Variants in CD1A observed in about 807,000 individuals in gnomAD.
CD1A encodes the protein CD1a molecule.
In CD1A, 50 loss-of-function variants were observed where a neutral mutation model predicts 38.3. That is an observed-to-expected ratio of 1.30 (90% CI 1.04 to 1.65). CD1A has a LOEUF of 1.65. Ranked by LOEUF, CD1A falls within the 40% of genes most tolerant of loss-of-function variation. The pLI is 0.00. For synonymous variants in CD1A, 160 were observed against 150.8 expected, an observed-to-expected ratio of 1.06 and a Z score of -0.45; for missense variants, 459 against 406.1, an observed-to-expected ratio of 1.13 and a Z score of -1.12.
In CD1A at chr1:158,257,867, T is replaced by C. The variant is rs1650315567; in HGVS notation, c.*177T>C. The C allele has an allele frequency of 4.8e-6, 3 of 619,634 alleles. No homozygotes were observed. In the East Asian group the frequency reaches 8.0e-5, roughly 16 times the overall value. The allele number at this position is 619,634 out of a possible 1,614,324, so 38.4% of individuals were successfully genotyped here. A position where few individuals can be genotyped will look rare whatever the true frequency, so the allele number is the denominator to read the frequency against. On this transcript the variant is annotated 3_prime_UTR_variant, in exon 6 of 6. Coordinates refer to ENST00000289429, the MANE Select transcript of CD1A (RefSeq NM_001763.3). ...TGATTGTTTGTCAATATAAGCTCAA[T>C]TTAATTTTGCAGGATTTGTTGTTCT... is the stretch of plus-strand genomic sequence containing the variant.
Position 158,254,486 on chromosome 1 carries a change from A to C in CD1A, c.-184A>C. 1 of 1,428,584 alleles carries C rather than the reference A, an allele frequency of 7.0e-7. No homozygotes were observed. The highest frequency in any genetic ancestry group is 9.2e-7 in the Non-Finnish European group (1 of 1,091,614). 88.5% of individuals were successfully genotyped at this position (1,428,584 alleles called of 1,614,324 possible). ...GAGAGGAGAGTCAGAACCAGAGGGA[A>C]ATGAGAGACTGAGTAGGCATCTCAG... On this transcript the variant is annotated 5_prime_UTR_variant, in exon 1 of 6. Transcript: ENST00000289429.
chr1:158,256,801 G>C lies in CD1A; in HGVS notation c.620G>C (p.Trp207Ser). Residue 207 changes from tryptophan to serine, a missense_variant, in exon 4 of 6, where the codon TGG (tryptophan) becomes TCG (serine). Coordinates refer to ENST00000289429, the MANE Select transcript of CD1A (RefSeq NM_001763.3). ...TCCTTTGCAGTGAAGCCCGAGGCCT[G>C]GCTGTCCCATGGCCCCAGTCCTGGC... ...HLQRQVKPEAWLSHGPSPGPG... is the reference protein window; with the variant it reads ...HLQRQVKPEASLSHGPSPGPG... 1 of 1,614,082 alleles carries C rather than the reference G, an allele frequency of 6.2e-7. No homozygotes were observed. The highest frequency in any genetic ancestry group is 1.3e-5 in the African/African-American group (1 of 75,062).
upstream of CD1A, among the ~76,000 whole-genome samples, chr1:158,250,645 G>A (rs1294716820): frequency 6.6e-6 from 1 of 152,124 alleles, no homozygotes; most frequent in Non-Finnish European, 1.5e-5. Context: ...TCTTGTGCCT[G>A]ATCAGACCAA....
At chr1:158,257,245 G>T (rs925460391) in intron 4 of CD1A, among the ~76,000 whole-genome samples, 176 bp from the exon 5 acceptor site, 3 of 152,116 alleles carry the variant, frequency 2.0e-5, no homozygotes, top group Admixed American at 2.0e-4. Context: ...GATGCTGAGG[G>T]TTAACTGAAG....
intron 3 of CD1A, among the ~76,000 whole-genome samples, 173 bp downstream of exon 3, chr1:158,256,455 G>A (rs1650259693): frequency 6.6e-6 from 1 of 152,122 alleles, no homozygotes; most frequent in Non-Finnish European, 1.5e-5. Flanking sequence ...GACTTCTTAA[G>A]GGCAGGAGTC....
upstream of CD1A, among the ~76,000 whole-genome samples, chr1:158,251,262 G>C (rs934001534): frequency 1.3e-5 from 2 of 152,194 alleles, no homozygotes; most frequent in Non-Finnish European, 2.9e-5. Context: ...AAGAGGAGTT[G>C]CCTTGTCTTA....
chr1:158,254,122 T>C, upstream of CD1A: 30 of 851,380 alleles, frequency 3.5e-5, no homozygotes, highest in Non-Finnish European at 4.2e-5. Flanking sequence ...AGGTGTTAGT[T>C]TGTACTGTCG....
upstream of CD1A, among the ~76,000 whole-genome samples, chr1:158,252,620 T>G (rs1193095676): frequency 6.6e-6 from 1 of 152,186 alleles, no homozygotes; most frequent in African/African-American, 2.4e-5. Flanking sequence ...GCTTTTTGCA[T>G]GCTAATCTTA....
chr1:158,249,862 C>T (rs1250017585), upstream of CD1A, among the ~76,000 whole-genome samples: 1 of 152,194 alleles, frequency 6.6e-6, no homozygotes, highest in East Asian at 1.9e-4. Context: ...GTTCCCCTTG[C>T]TGGGAAGAGG....
Position 158,256,143 on chromosome 1 carries a change from G to A in CD1A, c.465G>A (p.Gly155=). ...NNSWLPYPVA[G]NMAKHFCKVL... is the part of the protein sequence containing the mutation. ...CATGGTTGCCATATCCAGTGGCTGGGAATATGGCCAAGCATTTCTGCAAAG... is the reference window on the plus strand; with the variant it reads ...CATGGTTGCCATATCCAGTGGCTGGAAATATGGCCAAGCATTTCTGCAAAG... Residue 155 remains glycine, a synonymous_variant, in exon 3 of 6, where the codon GGG becomes GGA. Coordinates refer to ENST00000289429, the MANE Select transcript of CD1A (RefSeq NM_001763.3). 1.9e-6 allele frequency: 3 copies of A among 1,614,136 alleles called. No homozygotes were observed. Among genetic ancestry groups the A allele is most frequent in the Non-Finnish European group, 2.5e-6 (3 of 1,180,022 alleles).
Position 158,257,047 on chromosome 1 carries a change from A to T in CD1A, c.866A>T (p.Asp289Val). 1 of 1,611,778 alleles carries T rather than the reference A, an allele frequency of 6.2e-7. No individual in the cohort carries two copies. Residue 289 changes from aspartate (D) to valine (V), a missense_variant, in exon 4 of 6, where the codon GAC becomes GTC. Asp to Val is a radical substitution (Grantham distance 152). Transcript: ENST00000289429. Reference protein sequence around the residue: ...RVKHSSLEGQDIVLYWEHHSS... With the variant: ...RVKHSSLEGQVIVLYWEHHSS... ...AAGCACAGCAGTCTAGAGGGCCAGG[A>T]CATCGTCCTCTACTGGGGTGAGAAA...
upstream of CD1A, among the ~76,000 whole-genome samples, chr1:158,251,851 A>T (rs183231579): frequency 9.3e-5 from 14 of 149,742 alleles, no homozygotes. Context: ...TTTCCCCACC[A>T]GGTTAGGGCT....
chr1:158,254,542 C>T lies in CD1A; in HGVS notation c.-128C>T. 1 of 1,534,446 alleles carries T rather than the reference C, an allele frequency of 6.5e-7. No homozygotes were observed. The highest frequency in any genetic ancestry group is 1.2e-5 in the South Asian group (1 of 80,582). On this transcript the variant is annotated 5_prime_UTR_variant, in exon 1 of 6. Coordinates refer to ENST00000289429, the MANE Select transcript of CD1A (RefSeq NM_001763.3). ...TTGAAGGAGTGGATTTTCTTTGTTG[C>T]AGTCAGGGGAGGTTTGTCTGTTGGC...
chr1:158,252,829 C>A (rs963867443), upstream of CD1A, among the ~76,000 whole-genome samples: 1 of 152,086 alleles, frequency 6.6e-6, no homozygotes, highest in Non-Finnish European at 1.5e-5. Flanking sequence ...ACCTGGGAGG[C>A]AGAGGTTGCA....
rs746942952 is a variant in CD1A at position 158,257,895 on chromosome 1, C to A, written c.*205C>A. On this transcript the variant is annotated 3_prime_UTR_variant, in exon 6 of 6. Coordinates refer to ENST00000289429, the MANE Select transcript of CD1A (RefSeq NM_001763.3). ...AATTTTGCAGGATTTGTTGTTCTGA[C>A]CTGGGTTCTGGGACTTTTAAATTCA... 35 of 572,772 alleles carry A rather than the reference C, an allele frequency of 6.1e-5. No individual in the cohort carries two copies. Among genetic ancestry groups the A allele is most frequent in the Admixed American group, 1.3e-4 (4 of 31,774 alleles). The allele number at this position is 572,772 out of a possible 1,614,324, so 35.5% of individuals were successfully genotyped here.
chr1:158,255,307 A>C lies in CD1A; in HGVS notation c.282A>C (p.Ser94=). Reference sequence around the variant, plus strand: ...TATTCCGTATACGCACCATTCGGTCATTTGAGGGAATTCGTAGATACGCCC... The same window carrying C: ...TATTCCGTATACGCACCATTCGGTCCTTTGAGGGAATTCGTAGATACGCCC... The part of the protein sequence containing the change: ...ETLFRIRTIR[S]FEGIRRYAHE... Residue 94 remains serine, a synonymous_variant, in exon 2 of 6, where the codon TCA becomes TCC. Coordinates refer to ENST00000289429, the MANE Select transcript of CD1A (RefSeq NM_001763.3). 6.2e-7 allele frequency: 1 copy of C among 1,614,162 alleles called. No homozygotes were observed. The highest frequency in any genetic ancestry group is 8.5e-7 in the Non-Finnish European group (1 of 1,180,012).
Position 158,255,261 on chromosome 1 carries a change from A to G in CD1A, c.236A>G (p.Glu79Gly). ...TCCAGGGGAAACTTCAGCAATGAGG[A>G]GTGGAAGGAACTGGAAACATTATTC... is the stretch of plus-strand genomic sequence containing the variant. ...PWSRGNFSNE[E>G]WKELETLFRI... The change falls in exon 2 of 6, where the codon GAG (glutamate) becomes GGG (glycine). Residue 79 changes from glutamate (E) to glycine (G), a missense_variant. By Grantham distance (98) the Glu-to-Gly change is moderately conservative. Coordinates refer to ENST00000289429, the MANE Select transcript of CD1A (RefSeq NM_001763.3). The G allele has an allele frequency of 6.2e-7, 1 of 1,614,106 alleles. No homozygotes were observed. Among genetic ancestry groups the G allele is most frequent in the South Asian group, 1.1e-5 (1 of 91,074 alleles).
rs138701701 is a variant in CD1A, at chr1:158,256,793, C to A, written c.612C>A (p.Pro204=). Residue 204 remains proline (P), a synonymous_variant, in exon 4 of 6, where the codon CCC becomes CCA. Transcript: ENST00000289429. ...CTTTTCTGTCCTTTGCAGTGAAGCC[C>A]GAGGCCTGGCTGTCCCATGGCCCCA... ...GKAHLQRQVK[P]EAWLSHGPSP... 1 of 1,613,896 alleles carries A rather than the reference C, an allele frequency of 6.2e-7. No homozygotes were observed. The highest frequency in any genetic ancestry group is 8.5e-7 in the Non-Finnish European group (1 of 1,179,824).
In CD1A at chr1:158,258,142, C is replaced by T. The variant is rs151225596; in HGVS notation, c.*452C>T. 1,189 of 161,192 alleles carry T rather than the reference C, an allele frequency of 7.4e-3. 10 individuals carry two copies. The highest frequency in any genetic ancestry group is 0.027 in the African/African-American group (1,136 of 41,664). The allele number at this position is 161,192 out of a possible 1,614,324, so 10.0% of individuals were successfully genotyped here. A position where few individuals can be genotyped will look rare whatever the true frequency, so the allele number is the denominator to read the frequency against. On this transcript the variant is annotated 3_prime_UTR_variant, in exon 6 of 6. Coordinates refer to ENST00000289429, the MANE Select transcript of CD1A (RefSeq NM_001763.3). ...TTCATTGCAGTTATTTAGATCCCCC[C>T]TTTCCTTCTAATTTTTCAGCTCCTT... is the stretch of plus-strand genomic sequence containing the variant.
Sources: gnomAD v4.1 joint callset for allele counts (sites outside exome capture counted in the v4.1 genomes callset) on GRCh38, gnomAD v4.1.1 for gene constraint, MANE v1.5 for transcripts, NCBI Gene and HGNC (gene_info 2026-07-23, HGNC 2026-07-21) for gene names.